UNC5D: variants seen among roughly 807,000 people sequenced by gnomAD.
UNC5D encodes netrin receptor UNC5D.
In UNC5D, 39 loss-of-function variants were observed where a neutral mutation model predicts 105.4. The ratio of observed to expected loss-of-function variants is 0.37; its 90% CI spans 0.29 to 0.48. The LOEUF (loss-of-function observed/expected upper bound fraction) is 0.48, where lower values mean the gene tolerates loss of function less well. UNC5D is among the 20% of genes least tolerant of loss of function. UNC5D has a pLI of 0.98. For synonymous variants in UNC5D, 452 were observed against 450.4 expected (o/e 1.00, Z -0.04); for missense variants, 991 against 1,202.4 (o/e 0.82, Z 2.60).
At chr8:35,276,535 G>T (rs973713044) in intron 1 of UNC5D, among the ~76,000 whole-genome samples, 1 of 152,298 alleles carries the variant, frequency 6.6e-6, no homozygotes, top group African/African-American at 2.4e-5. Flanking sequence ...GTTGCATGTA[G>T]CTACCTTAAG....
chr8:35,752,456 G>C (rs1437380405), intron 13 of UNC5D, among the ~76,000 whole-genome samples: 2 of 152,172 alleles, frequency 1.3e-5, no homozygotes, highest in South Asian at 2.1e-4. Flanking sequence ...CACAGAGCCA[G>C]CCTGTGTTCC....
Position 35,705,906 on chromosome 8 carries a change from TTTTC to T in UNC5D, c.1085-7_1085-4del, listed in dbSNP as rs149922303. 2,650 of 1,311,084 alleles carry T rather than the reference TTTTC, an allele frequency of 2.0e-3. 36 individuals are homozygous for T. The East Asian group carries it at 0.033, about 16-fold the overall frequency. 81.2% of individuals were successfully genotyped at this position (1,311,084 alleles called of 1,614,324 possible). A position where few individuals can be genotyped will look rare whatever the true frequency, so the allele number is the denominator to read the frequency against. On this transcript the variant is annotated intron_variant, in intron 7 of 16. Coordinates refer to ENST00000404895, the MANE Select transcript of UNC5D (RefSeq NM_080872.4). Reference sequence around the variant, plus strand: ...GTAAATTTATTAAATGCAACTTTCTTTTTCTTTCTTTCTTTCTTTTAGATAAAAA... The same window carrying T: ...GTAAATTTATTAAATGCAACTTTCTTTTTCTTTCTTTCTTTTAGATAAAAA...
intron 3 of UNC5D, among the ~76,000 whole-genome samples, chr8:35,581,255 T>G (rs548271417): frequency 3.3e-5 from 5 of 152,118 alleles, no homozygotes; most frequent in Non-Finnish European, 7.3e-5. Context: ...CCCTCCATAA[T>G]CCAGCCTCTC....
intron 1 of UNC5D, among the ~76,000 whole-genome samples, chr8:35,433,945 T>A (rs951977305): frequency 6.6e-6 from 1 of 152,080 alleles, no homozygotes; most frequent in Non-Finnish European, 1.5e-5. Flanking sequence ...CTTTATCAAT[T>A]ATCTTTCCTG....
At chr8:35,632,677 T>A (rs1374992320) in intron 4 of UNC5D, among the ~76,000 whole-genome samples, 1 of 152,170 alleles carries the variant, frequency 6.6e-6, no homozygotes, top group East Asian at 1.9e-4. Flanking sequence ...TGCAGAACAG[T>A]GCACATGGTC....
Position 35,750,593 on chromosome 8 carries a change from A to G in UNC5D, c.1947A>G (p.Ser649=). Residue 649 remains serine (S), a synonymous_variant, in exon 13 of 17, where the codon TCA becomes TCG. Transcript: ENST00000404895. ...TQQGKWEEVM[S]VEDESTSCYC... is the part of the protein sequence containing the mutation. ...ACCTTTCCCAACAGGAAGTGATGTCAGTGGAAGATGAATCTACATCCTGTT... is the reference window on the plus strand; with the variant it reads ...ACCTTTCCCAACAGGAAGTGATGTCGGTGGAAGATGAATCTACATCCTGTT... 6.2e-7 allele frequency: 1 copy of G among 1,614,134 alleles called. No homozygotes were observed. Among genetic ancestry groups the G allele is most frequent in the Non-Finnish European group, 8.5e-7 (1 of 1,179,998 alleles).
intron 1 of UNC5D, among the ~76,000 whole-genome samples, chr8:35,333,897 T>C (rs1030399109): frequency 1.3e-5 from 2 of 152,188 alleles, no homozygotes; most frequent in Non-Finnish European, 2.9e-5. Flanking sequence ...AAATTACCTA[T>C]ATTACTCAGT....
intron 1 of UNC5D, among the ~76,000 whole-genome samples, chr8:35,444,431 C>A (rs536302717): frequency 2.4e-4 from 37 of 152,042 alleles, no homozygotes; most frequent in African/African-American, 8.9e-4. Context: ...ATGGAAGGGC[C>A]TGATTAATTT....
chr8:35,429,801 A>C (rs1006641316), intron 1 of UNC5D, among the ~76,000 whole-genome samples: 1 of 152,148 alleles, frequency 6.6e-6, no homozygotes. Context: ...TCCCCAGCCC[A>C]TGACGACCAA....
chr8:35,386,156 T>C (rs1286683488), intron 1 of UNC5D, among the ~76,000 whole-genome samples: 1 of 152,202 alleles, frequency 6.6e-6, no homozygotes, highest in Non-Finnish European at 1.5e-5. Context: ...TTCTCTCTTT[T>C]CAGTAAAAAT....
At chr8:35,378,752 A>G (rs1015293419) in intron 1 of UNC5D, among the ~76,000 whole-genome samples, 5 of 152,144 alleles carry the variant, frequency 3.3e-5, no homozygotes, top group Admixed American at 3.3e-4. Context: ...GAAAATTTTG[A>G]GCATTTCTGT....
intron 1 of UNC5D, among the ~76,000 whole-genome samples, chr8:35,271,548 A>G (rs1447526224): frequency 6.9e-6 from 1 of 145,554 alleles, no homozygotes; most frequent in Non-Finnish European, 1.5e-5. Context: ...TTATATATGT[A>G]TACATATGTA....
At chr8:35,318,166 G>A (rs987401250) in intron 1 of UNC5D, among the ~76,000 whole-genome samples, 26 of 151,684 alleles carry the variant, frequency 1.7e-4, no homozygotes, top group African/African-American at 4.6e-4. Flanking sequence ...ATTTTCATGC[G>A]CTGCCTCCAA....
chr8:35,236,482 G>A (rs1242868742), intron 1 of UNC5D, among the ~76,000 whole-genome samples: 1 of 152,196 alleles, frequency 6.6e-6, no homozygotes, highest in African/African-American at 2.4e-5. Context: ...CAGTTTAACC[G>A]CGCCTGCAGT....
chr8:35,434,380 G>T (rs2128977892), intron 1 of UNC5D, among the ~76,000 whole-genome samples: 1 of 151,982 alleles, frequency 6.6e-6, no homozygotes, highest in East Asian at 1.9e-4. Context: ...TTTTTTTTGG[G>T]TGGGGGTATT....
chr8:35,243,340 G>T (rs976325923), intron 1 of UNC5D, among the ~76,000 whole-genome samples: 1 of 152,126 alleles, frequency 6.6e-6, no homozygotes, highest in Non-Finnish European at 1.5e-5. Flanking sequence ...CCGTCCTGAT[G>T]CAATATAAAG....
chr8:35,686,720 T>A lies in UNC5D; in HGVS notation c.1084+11T>A. 1 of 1,568,458 alleles carries A rather than the reference T, an allele frequency of 6.4e-7. No individual in the cohort carries two copies. On this transcript the variant is annotated intron_variant, in intron 7 of 16. Transcript: ENST00000404895. ...GTCTTTGCATCCTAGGTAACACTTT[T>A]GCTTTAACATCTTCAGTGTTTGTTC...
chr8:35,612,955 A>C (rs1387348067), intron 4 of UNC5D, among the ~76,000 whole-genome samples: 2 of 152,076 alleles, frequency 1.3e-5, no homozygotes, highest in African/African-American at 4.8e-5. Context: ...GGTCTCGTAC[A>C]AGATGGGATG....
intron 1 of UNC5D, among the ~76,000 whole-genome samples, chr8:35,310,844 C>T (rs1196065343): frequency 6.6e-6 from 1 of 151,996 alleles, no homozygotes; most frequent in Non-Finnish European, 1.5e-5. Flanking sequence ...CAAATATGCT[C>T]ATGCTGAGGG....
Sources: gnomAD v4.1 joint callset for allele counts (sites outside exome capture counted in the v4.1 genomes callset) on GRCh38, gnomAD v4.1.1 for gene constraint, MANE v1.5 for transcripts, NCBI Gene and HGNC (gene_info 2026-07-23, HGNC 2026-07-21) for gene names.